Variants in PKD1L3 observed in about 807,000 individuals in gnomAD.
PKD1L3 encodes the protein polycystin 1 like 3, transient receptor potential channel interacting.
PKD1L3 carries 239 observed loss-of-function variants against 184.1 expected under a neutral mutation model. The observed-to-expected ratio is 1.30, with a 90% CI of 1.17 to 1.45. The LOEUF (loss-of-function observed/expected upper bound fraction) is 1.45. Ranked by LOEUF, PKD1L3 falls within the 40% of genes most tolerant of loss-of-function variation. The pLI is 0.00. For synonymous variants in PKD1L3, 996 were observed against 778.8 expected (o/e 1.28, Z -4.64); for missense variants, 2,660 against 2,067.2 (o/e 1.29, Z -5.56).
At chr16:71,955,005 A>C (rs2038990068) in intron 16 of PKD1L3, among the ~76,000 whole-genome samples, 1 of 152,130 alleles carries the variant, frequency 6.6e-6, no homozygotes, top group African/African-American at 2.4e-5. Flanking sequence ...GAACAAAAAA[A>C]CCTCTGTAGG....
At chr16:71,944,617 ATGT>A (rs750556259) in intron 22 of PKD1L3, among the ~76,000 whole-genome samples, 13 of 152,034 alleles carry the variant, frequency 8.6e-5, no homozygotes, top group South Asian at 2.1e-4. Context: ...CAGGAGTTTG[ATGT>A]TGTACTGAGA....
Position 71,977,415 on chromosome 16 carries a change from A to T in PKD1L3, c.1580T>A (p.Met527Lys), listed in dbSNP as rs2039971034. 6.4e-7 allele frequency: 1 copy of T among 1,551,640 alleles called. No individual in the cohort carries two copies. Among genetic ancestry groups the T allele is most frequent in the Non-Finnish European group, 8.7e-7 (1 of 1,146,942 alleles). ...TGTGATTGTAAGCTGATGTGTGCTC[A>T]TGTTGAGGCTGGTGGGATGGGTTTC... ...SLETHPTSLNMSTHQLTITVN... is the reference protein window; with the variant it reads ...SLETHPTSLNKSTHQLTITVN... Residue 527 changes from methionine (M) to lysine (K), a missense_variant, in exon 11 of 30, where the codon ATG becomes AAG. Physicochemically the swap from Met to Lys is moderately conservative, Grantham distance 95. Transcript: ENST00000620267.
chr16:71,995,855 C>G (rs1045305332), intron 2 of PKD1L3, among the ~76,000 whole-genome samples: 4 of 152,216 alleles, frequency 2.6e-5, no homozygotes, highest in Non-Finnish European at 4.4e-5. Context: ...TTACTGCATT[C>G]TCACTAGCAA....
chr16:71,985,548 G>A (rs1437506688), intron 5 of PKD1L3, among the ~76,000 whole-genome samples: 1 of 145,202 alleles, frequency 6.9e-6, no homozygotes, highest in Non-Finnish European at 1.5e-5. Context: ...CCCCTGCCCC[G>A]CCACCCCCAA....
At chr16:71,950,063 GAT>G (rs1268265789) in intron 20 of PKD1L3, 46 bp from the exon 21 acceptor site, 2 of 1,549,334 alleles carry the variant, frequency 1.3e-6, no homozygotes, top group African/African-American at 2.7e-5. Flanking sequence ...CATCGGCTGA[GAT>G]AGAGGATGAG....
chr16:71,977,477 G>C lies in PKD1L3; in HGVS notation c.1528-10C>G, dbSNP rs1404712387. The C allele has an allele frequency of 1.3e-6, 2 of 1,523,958 alleles. No individual in the cohort carries two copies. Among genetic ancestry groups the C allele is most frequent in the Non-Finnish European group, 1.8e-6 (2 of 1,122,430 alleles). 94.4% of individuals were successfully genotyped at this position (1,523,958 alleles called of 1,614,324 possible). ...TTCTCCAGAGCATGATCTAGAATAAGAGACAGTTAATCATTATAATGGTCC... is the reference window on the plus strand; with the variant it reads ...TTCTCCAGAGCATGATCTAGAATAACAGACAGTTAATCATTATAATGGTCC... On this transcript the variant is annotated splice_polypyrimidine_tract_variant and intron_variant, in intron 10 of 29. Transcript: ENST00000620267.
chr16:71,999,448 G>C (rs2040897304), intron 1 of PKD1L3, among the ~76,000 whole-genome samples: 1 of 152,048 alleles, frequency 6.6e-6, no homozygotes, highest in African/African-American at 2.4e-5. Flanking sequence ...TTTAGTGAAA[G>C]GTCAGGTAAG....
At chr16:71,963,498 G>A (rs1283198908) in intron 15 of PKD1L3, 147 bp from the exon 16 acceptor site, 1 of 887,714 alleles carries the variant, frequency 1.1e-6, no homozygotes, top group Non-Finnish European at 1.6e-6. Flanking sequence ...AAAGAAAGTT[G>A]AGGCCAGACA....
chr16:71,982,764 A>T (rs1179870491), intron 6 of PKD1L3, among the ~76,000 whole-genome samples: 1 of 151,000 alleles, frequency 6.6e-6, no homozygotes, highest in African/African-American at 2.4e-5. Flanking sequence ...CCTAATTTTT[A>T]AAAATTTTTT....
intron 26 of PKD1L3, among the ~76,000 whole-genome samples, chr16:71,934,624 TAGCAATTAGGTTTTGTTTTGAGAGAG>T (rs1177583719): frequency 6.6e-6 from 1 of 152,150 alleles, no homozygotes; most frequent in Admixed American, 6.5e-5. Context: ...GGGTGTTGCT[TAGCAATTAGGTTTTGTTTTGAGAGAG>T]AGACATTCAT....
At chr16:71,994,435 G>C (rs1162764494) in intron 2 of PKD1L3, among the ~76,000 whole-genome samples, 1 of 152,094 alleles carries the variant, frequency 6.6e-6, no homozygotes, top group Non-Finnish European at 1.5e-5. Flanking sequence ...TACCTGTAGC[G>C]AGACAATGCC....
intron 16 of PKD1L3, among the ~76,000 whole-genome samples, chr16:71,957,639 A>G (rs2039097674): frequency 6.6e-6 from 1 of 152,170 alleles, no homozygotes; most frequent in Non-Finnish European, 1.5e-5. Context: ...CTCTAAAAAA[A>G]TACAAAAATT....
At chr16:71,952,749 C>T (rs1023284542) in intron 18 of PKD1L3, 145 bp downstream of exon 18, 5 of 762,740 alleles carry the variant, frequency 6.6e-6, no homozygotes, top group African/African-American at 5.5e-5. Flanking sequence ...GGTGGGAGGA[C>T]CACTTGAGCC....
rs1273495767 is a variant in PKD1L3, at chr16:71,942,542, A to G, written c.4324+18T>C. The stretch of plus-strand genomic sequence containing the variant: ...TCTTTGCTACGTGTGGTTGAATTCC[A>G]GGGGTCACTCCAGTTACCTCTCATG... On this transcript the variant is annotated intron_variant, in intron 24 of 29. Transcript: ENST00000620267. 2.3e-5 allele frequency: 36 copies of G among 1,536,018 alleles called. No homozygotes were observed. Among genetic ancestry groups the G allele is most frequent in the Non-Finnish European group, 3.0e-5 (34 of 1,135,344 alleles).
At position 71,933,539 on chromosome 16, in the gene PKD1L3, G is replaced by C. The variant is rs1395750336; in HGVS notation, c.4825-18C>G. 2.6e-6 allele frequency: 4 copies of C among 1,516,706 alleles called. No homozygotes were observed. The Admixed American group carries it at 7.8e-5, about 30-fold the overall frequency. 94.0% of individuals were successfully genotyped at this position (1,516,706 alleles called of 1,614,324 possible). A position where few individuals can be genotyped will look rare whatever the true frequency, so the allele number is the denominator to read the frequency against. On this transcript the variant is annotated intron_variant, in intron 27 of 29. Transcript: ENST00000620267. ...AGGTTAAACTGAACAGAAGGAGAAA[G>C]GCCAGTTAGTGCAAGCCGAGCGCAC...
At chr16:71,937,200 T>A in intron 25 of PKD1L3, 92 bp downstream of exon 25, 3 of 1,301,872 alleles carry the variant, frequency 2.3e-6, no homozygotes, top group Non-Finnish European at 3.1e-6. Context: ...GGACCACAGG[T>A]GCATGCCACC....
chr16:71,963,486 GGAAA>G, intron 15 of PKD1L3, 135 bp from the exon 16 acceptor site: 2 of 1,010,126 alleles, frequency 2.0e-6, no homozygotes, highest in Admixed American at 3.4e-5. Context: ...ACTAAGGAAA[GGAAA>G]GAAAGTTGAG....
chr16:71,942,316 G>C (rs1389213923), intron 24 of PKD1L3, among the ~76,000 whole-genome samples: 1 of 152,120 alleles, frequency 6.6e-6, no homozygotes, highest in Non-Finnish European at 1.5e-5. Flanking sequence ...CTGGGCGACA[G>C]AGCAAGACTC....
chr16:71,949,331 T>C (rs2143339644), intron 21 of PKD1L3, among the ~76,000 whole-genome samples: 1 of 151,800 alleles, frequency 6.6e-6, no homozygotes, highest in Admixed American at 6.6e-5. Flanking sequence ...CAAATGTCAG[T>C]TAAATGTCAG....
Sources: gnomAD v4.1 joint callset for allele counts (sites outside exome capture counted in the v4.1 genomes callset) on GRCh38, gnomAD v4.1.1 for gene constraint, MANE v1.5 for transcripts, NCBI Gene and HGNC (gene_info 2026-07-23, HGNC 2026-07-21) for gene names.